Variants in COL6A5 observed in about 807,000 individuals in gnomAD.
COL6A5 encodes the protein collagen type VI alpha 5 chain.
A neutral mutation model predicts 65.6 loss-of-function variants in COL6A5; 48 were observed. The ratio of observed to expected loss-of-function variants is 0.73; its 90% CI spans 0.58 to 0.93. The LOEUF (loss-of-function observed/expected upper bound fraction) is 0.93. Ranked by LOEUF, COL6A5 falls within the 40% of genes least tolerant of loss-of-function variation. COL6A5 has a pLI of 0.00. For synonymous variants in COL6A5, 291 were observed against 322.8 expected (o/e 0.90, Z 1.05); for missense variants, 914 against 928.3 (o/e 0.98, Z 0.20).
chr3:130,435,181 A>G (rs1408126326), intron 1 of COL6A5, among the ~76,000 whole-genome samples: 1 of 152,122 alleles, frequency 6.6e-6, no homozygotes, highest in African/African-American at 2.4e-5. Context: ...TCCCAGCACC[A>G]TTTACTGAAT....
Position 130,472,856 on chromosome 3 carries a change from T to TATATACAC in COL6A5, c.2328+1892_2328+1893insTACACATA, listed in dbSNP as rs752157374. On this transcript the variant is annotated intron_variant, in intron 7 of 7. Transcript: ENST00000512836. ...ACATATATATATATATATATATATA[T>TATATACAC]ATACACATTTATAAATATAGATATA... Among the ~76,000 whole-genome samples the TATATACAC allele has an allele frequency of 1.4e-5, 2 of 143,376 alleles. 1 individual carries two copies. The highest frequency in any genetic ancestry group is 1.4e-4 in the Admixed American group (2 of 14,198). The allele number at this position is 143,376 out of a possible 152,430, so 94.1% of individuals were successfully genotyped here.
chr3:130,394,802 T>A, intron 7 of COL6A5, 88 bp from the exon 8 acceptor site: 3 of 879,700 alleles, frequency 3.4e-6, no homozygotes, highest in Non-Finnish European at 5.2e-6. Context: ...TCAATTGAAG[T>A]ATTTAGTAAA....
At chr3:130,376,394 C>T (rs769703636) in exon 3 of COL6A5, 28 of 1,613,388 alleles carry the variant, frequency 1.7e-5, no homozygotes, top group East Asian at 6.7e-5. Context: ...CCCAGTACAG[C>T]GACGAGTTTC....
chr3:130,398,108 G>A (rs1281377167), exon 10 of COL6A5: 26 of 1,509,318 alleles, frequency 1.7e-5, no homozygotes, highest in Non-Finnish European at 2.3e-5. Context: ...GCTCAGAGAA[G>A]CAGGTATTGA....
chr3:130,391,180 T>C, exon 7 of COL6A5: 1 of 1,545,938 alleles, frequency 6.5e-7, no homozygotes, highest in Non-Finnish European at 8.7e-7. Context: ...TTCTTTCAGA[T>C]TGTAAAAGGA....
chr3:130,477,219 C>T (rs1710121704), intron 7 of COL6A5: 5 of 651,632 alleles, frequency 7.7e-6, no homozygotes, highest in Non-Finnish European at 1.3e-5. Context: ...GAAGATGATG[C>T]ATATAAAGCT....
At chr3:130,466,163 A>C (rs1238319067) in intron 5 of COL6A5, among the ~76,000 whole-genome samples, 1 of 152,064 alleles carries the variant, frequency 6.6e-6, no homozygotes, top group Non-Finnish European at 1.5e-5. Context: ...CAACAGTAGA[A>C]TATATAATCT....
intron 24 of COL6A5, among the ~76,000 whole-genome samples, chr3:130,417,847 T>G (rs1000971168): frequency 3.3e-5 from 5 of 152,104 alleles, no homozygotes; most frequent in Non-Finnish European, 5.9e-5. Context: ...GGCCTGAGTT[T>G]TCCTTTTACA....
intron 17 of COL6A5, among the ~76,000 whole-genome samples, chr3:130,408,791 A>G (rs1246014067): frequency 1.3e-5 from 2 of 152,152 alleles, no homozygotes; most frequent in Non-Finnish European, 1.5e-5. Flanking sequence ...TAGGGAAAAT[A>G]GAAAAGAAAC....
chr3:130,449,691 A>G (rs1024605944), intron 4 of COL6A5, among the ~76,000 whole-genome samples: 1 of 152,168 alleles, frequency 6.6e-6, no homozygotes, highest in African/African-American at 2.4e-5. Flanking sequence ...ACATTAATCC[A>G]ATAAGCGGCC....
At chr3:130,476,862 C>A (rs907712180) in intron 7 of COL6A5, 5 of 679,734 alleles carry the variant, frequency 7.4e-6, no homozygotes, top group Non-Finnish European at 1.3e-5. Context: ...TAAATGATGT[C>A]TTTAATTCTT....
intron 8 of COL6A5, 71 bp downstream of exon 8, chr3:130,395,536 G>T: frequency 8.8e-7 from 1 of 1,140,922 alleles, no homozygotes. Context: ...GTGTCTTATG[G>T]GCTAGCTCTA....
At chr3:130,372,451 A>G (rs996030188) in intron 1 of COL6A5, among the ~76,000 whole-genome samples, 4 of 151,958 alleles carry the variant, frequency 2.6e-5, no homozygotes, top group African/African-American at 7.2e-5. Context: ...AATTATATAT[A>G]TATATATCTA....
intron 4 of COL6A5, among the ~76,000 whole-genome samples, chr3:130,452,346 C>T (rs1709462545): frequency 2.3e-5 from 1 of 43,318 alleles, no homozygotes; most frequent in Non-Finnish European, 1.1e-4. Context: ...AAATTCACCC[C>T]TGATATTCAT....
At chr3:130,472,484 C>T (rs1490487800) in intron 7 of COL6A5, among the ~76,000 whole-genome samples, 3 of 151,856 alleles carry the variant, frequency 2.0e-5, no homozygotes, top group Non-Finnish European at 4.4e-5. Context: ...GATGGACAGC[C>T]GGAAGCTATT....
At chr3:130,424,605 G>A (rs1461084026) in intron 29 of COL6A5, among the ~76,000 whole-genome samples, 1 of 152,078 alleles carries the variant, frequency 6.6e-6, no homozygotes, top group African/African-American at 2.4e-5. Context: ...TGTGCATTGT[G>A]AGTATTTTCT....
chr3:130,471,070 G>GTT (rs766289122), intron 7 of COL6A5, 103 bp downstream of exon 39: 275 of 682,854 alleles, frequency 4.0e-4, no homozygotes, highest in Middle Eastern at 1.6e-3. Flanking sequence ...CCAAGTGTGT[G>GTT]TTTTTGTGTG....
chr3:130,457,920 A>G (rs921385742), intron 5 of COL6A5, among the ~76,000 whole-genome samples: 1 of 152,114 alleles, frequency 6.6e-6, no homozygotes, highest in African/African-American at 2.4e-5. Flanking sequence ...AAGCACCTCC[A>G]TATGCTGTGT....
intron 29 of COL6A5, among the ~76,000 whole-genome samples, chr3:130,425,105 C>T (rs889899497): frequency 2.6e-5 from 4 of 152,140 alleles, no homozygotes; most frequent in Admixed American, 2.6e-4. Flanking sequence ...GCATTCTTTT[C>T]TGTTATCTGC....
Sources: allele counts gnomAD v4.1 joint callset (sites outside exome capture counted in the v4.1 genomes callset), GRCh38; gene constraint gnomAD v4.1.1; transcripts MANE v1.5; gene names NCBI Gene and HGNC (gene_info 2026-07-23, HGNC 2026-07-21).